The following CDYL2 variants were observed in gnomAD, a reference collection of about 807,000 sequenced individuals.
The protein encoded by CDYL2 is chromodomain Y-like protein 2.
Under a neutral mutation model 49.4 loss-of-function variants are expected in CDYL2, and 23 were observed. The ratio of observed to expected loss-of-function variants is 0.47; its 90% CI spans 0.34 to 0.66. The LOEUF (loss-of-function observed/expected upper bound fraction) is 0.66. Ranked by LOEUF, CDYL2 falls within the 30% of genes least tolerant of loss-of-function variation. The pLI, the probability that CDYL2 is intolerant of heterozygous loss-of-function variation, is 0.01. For synonymous variants in CDYL2, 360 were observed against 268.8 expected (o/e 1.34, Z -3.32); for missense variants, 678 against 656.4 (o/e 1.03, Z -0.36).
intron 2 of CDYL2, among the ~76,000 whole-genome samples, chr16:80,653,196 T>C (rs1431829696): frequency 6.6e-6 from 1 of 152,252 alleles, no homozygotes. Context: ...CTGGGCGCGA[T>C]GGCTCACGCC....
intron 1 of CDYL2, among the ~76,000 whole-genome samples, chr16:80,799,909 G>C (rs1457577873): frequency 6.6e-6 from 1 of 152,184 alleles, no homozygotes. Context: ...CTGGTACAGA[G>C]ATTCAAGAAG....
intron 1 of CDYL2, among the ~76,000 whole-genome samples, chr16:80,763,758 T>A (rs1392727475): frequency 2.6e-5 from 4 of 152,216 alleles, no homozygotes; most frequent in Admixed American, 2.6e-4. Flanking sequence ...TGCAGATAAT[T>A]CACTCACCAA....
intron 1 of CDYL2, among the ~76,000 whole-genome samples, chr16:80,693,902 T>C (rs1910516927): frequency 6.6e-6 from 1 of 152,242 alleles, no homozygotes; most frequent in Admixed American, 6.5e-5. Flanking sequence ...AATCTCACTG[T>C]ATTACAGATG....
At chr16:80,759,588 T>A (rs1906458434) in intron 1 of CDYL2, among the ~76,000 whole-genome samples, 1 of 152,202 alleles carries the variant, frequency 6.6e-6, no homozygotes, top group Admixed American at 6.5e-5. Context: ...GATCAAATTG[T>A]TCCTTTTGGT....
At chr16:80,668,574 A>G (rs1276001746) in intron 2 of CDYL2, among the ~76,000 whole-genome samples, 1 of 152,054 alleles carries the variant, frequency 6.6e-6, no homozygotes, top group East Asian at 1.9e-4. Flanking sequence ...AAACATTAAC[A>G]GAAGTCACCT....
intron 1 of CDYL2, among the ~76,000 whole-genome samples, chr16:80,799,442 C>A (rs774516561): frequency 6.6e-6 from 1 of 152,118 alleles, no homozygotes; most frequent in African/African-American, 2.4e-5. Context: ...TCCCCAAGTG[C>A]CTCTCATATA....
At chr16:80,713,451 G>C (rs1168315800) in intron 1 of CDYL2, among the ~76,000 whole-genome samples, 1 of 152,074 alleles carries the variant, frequency 6.6e-6, no homozygotes, top group African/African-American at 2.4e-5. Flanking sequence ...ATAGGTTACT[G>C]TTCAGGATGT....
chr16:80,770,047 C>T (rs778783799), intron 1 of CDYL2, among the ~76,000 whole-genome samples: 6 of 151,888 alleles, frequency 4.0e-5, no homozygotes, highest in Non-Finnish European at 7.4e-5. Context: ...TAGCAATGGT[C>T]ACTGCAGAAA....
intron 1 of CDYL2, among the ~76,000 whole-genome samples, chr16:80,731,092 G>A (rs1451576920): frequency 6.6e-6 from 1 of 152,110 alleles, no homozygotes; most frequent in Non-Finnish European, 1.5e-5. Context: ...CTTTAAATAT[G>A]TACAAATTGT....
intron 1 of CDYL2, among the ~76,000 whole-genome samples, chr16:80,759,120 A>ATATATATATATATATATATATTGTT (rs1567597491): frequency 1.6e-5 from 2 of 122,700 alleles, no homozygotes; most frequent in Admixed American, 8.2e-5. Flanking sequence ...ATATATATAT[A>ATATATATATATATATATATATTGTT]TATATATATA....
rs1011166965 is a variant in CDYL2, at chr16:80,599,963, A to G, written c.*4425T>C. ...AATTACAGACTGCATTCAGTCCATCAGCATGGCTTACGTTGCATGGAGGAA... is the reference window on the plus strand; with the variant it reads ...AATTACAGACTGCATTCAGTCCATCGGCATGGCTTACGTTGCATGGAGGAA... On this transcript the variant is annotated 3_prime_UTR_variant, in exon 7 of 7. Coordinates refer to ENST00000570137, the MANE Select transcript of CDYL2 (RefSeq NM_152342.4). The G allele has an allele frequency of 1.3e-5, 2 of 152,216 alleles. No individual in the cohort carries two copies. Among genetic ancestry groups the G allele is most frequent in the African/African-American group, 4.8e-5 (2 of 41,454 alleles). The allele number at this position is 152,216 out of a possible 1,614,324, so 9.4% of individuals were successfully genotyped here.
At chr16:80,793,764 T>C (rs759109291) in intron 1 of CDYL2, among the ~76,000 whole-genome samples, 4 of 152,216 alleles carry the variant, frequency 2.6e-5, no homozygotes, top group Non-Finnish European at 5.9e-5. Flanking sequence ...AAATAATTTC[T>C]CAGTGTAGAT....
chr16:80,624,069 T>C (rs913137705), intron 3 of CDYL2, among the ~76,000 whole-genome samples: 4 of 152,150 alleles, frequency 2.6e-5, no homozygotes, highest in African/African-American at 9.7e-5. Context: ...CACCCCTGCA[T>C]ACTCCCCGAC....
At chr16:80,657,958 G>A (rs1175732283) in intron 2 of CDYL2, among the ~76,000 whole-genome samples, 2 of 151,966 alleles carry the variant, frequency 1.3e-5, no homozygotes. Context: ...AGAATACTAT[G>A]TCGCTCTAAA....
chr16:80,638,791 A>G (rs1907952664), intron 2 of CDYL2, among the ~76,000 whole-genome samples: 1 of 152,186 alleles, frequency 6.6e-6, no homozygotes, highest in Admixed American at 6.5e-5. Flanking sequence ...GAAAAAAAAG[A>G]ACCTAGACAC....
chr16:80,668,176 C>G (rs1030740010), intron 2 of CDYL2, among the ~76,000 whole-genome samples: 9 of 152,230 alleles, frequency 5.9e-5, no homozygotes, highest in Middle Eastern at 3.2e-3. Context: ...CAGCCAAAAA[C>G]AGGGAGGCCG....
At chr16:80,658,201 G>A (rs1567559007) in intron 2 of CDYL2, among the ~76,000 whole-genome samples, 2 of 152,006 alleles carry the variant, frequency 1.3e-5, no homozygotes, top group African/African-American at 2.4e-5. Flanking sequence ...AAGGGATGGG[G>A]AAGAGGTGAC....
chr16:80,793,791 G>C (rs997766541), intron 1 of CDYL2, among the ~76,000 whole-genome samples: 34 of 145,950 alleles, frequency 2.3e-4, no homozygotes, highest in African/African-American at 8.1e-4. Flanking sequence ...TGTAAGTTTA[G>C]CTTATGATAC....
At chr16:80,769,035 A>C (rs970109802) in intron 1 of CDYL2, among the ~76,000 whole-genome samples, 4 of 152,150 alleles carry the variant, frequency 2.6e-5, no homozygotes, top group Admixed American at 2.6e-4. Context: ...ATAAAGTCCA[A>C]ACTTCCTAGT....
Sources: gnomAD v4.1 joint callset for allele counts (sites outside exome capture counted in the v4.1 genomes callset) on GRCh38, gnomAD v4.1.1 for gene constraint, MANE v1.5 for transcripts, NCBI Gene and HGNC (gene_info 2026-07-23, HGNC 2026-07-21) for gene names.